Variants in CCDC152 observed in about 807,000 individuals in gnomAD.
The protein encoded by CCDC152 is coiled-coil domain-containing protein 152.
Under a neutral mutation model 38.1 loss-of-function variants are expected in CCDC152, and 37 were observed. That is an observed-to-expected ratio of 0.97 (90% confidence interval 0.75 to 1.28). The LOEUF (loss-of-function observed/expected upper bound fraction) is 1.28, where lower values mean the gene tolerates loss of function less well. Ranked by LOEUF, CCDC152 falls within the 50% of genes most tolerant of loss-of-function variation. The pLI, the probability that CCDC152 is intolerant of heterozygous loss-of-function variation, is 0.00. For synonymous variants in CCDC152, 83 were observed against 87.1 expected (o/e 0.95, Z 0.26); for missense variants, 259 against 292.1 (o/e 0.89, Z 0.83).
Position 42,783,461 on chromosome 5 carries a change from T to A in CCDC152, c.328-13T>A, listed in dbSNP as rs1244298973. On this transcript the variant is annotated splice_polypyrimidine_tract_variant and intron_variant, in intron 5 of 8. Coordinates refer to ENST00000361970, the MANE Select transcript of CCDC152 (RefSeq NM_001134848.2). ...TTTAAATTTTAAAAATTAATATATA[T>A]TTTAATCTTTAGGAATATAAGAATA... 1.3e-5 allele frequency: 14 copies of A among 1,112,060 alleles called. No homozygotes were observed. Among genetic ancestry groups the A allele is most frequent in the Non-Finnish European group, 1.6e-5 (14 of 866,586 alleles). 68.9% of individuals were successfully genotyped at this position (1,112,060 alleles called of 1,614,324 possible). A position where few individuals can be genotyped will look rare whatever the true frequency, so the allele number is the denominator to read the frequency against.
intron 5 of CCDC152, among the ~76,000 whole-genome samples, chr5:42,781,326 T>G (rs1759841528): frequency 6.6e-6 from 1 of 151,966 alleles, no homozygotes; most frequent in South Asian, 2.1e-4. Context: ...AACCGAGAAG[T>G]TGAATAGCTT....
chr5:42,795,405 T>C (rs1441909758), intron 6 of CCDC152, among the ~76,000 whole-genome samples: 2 of 152,178 alleles, frequency 1.3e-5, no homozygotes, highest in African/African-American at 4.8e-5. Context: ...AACTAGTAGG[T>C]GACAGACAAA....
rs1561276226 is a variant in CCDC152 at position 42,779,503 on chromosome 5, AG to A, written c.309del (p.Lys103AsnfsTer2). ...ATAAGTGCTGATCTTATAAAAGAGA[AG>A]TTAAAGTCTCATGAACAGGTGAGTT... ...LKISADLIKE[K>X]LKSHEQEYKN... On this transcript the variant is annotated frameshift_variant, in exon 5 of 9. Transcript: ENST00000361970. LOFTEE classifies it high-confidence loss of function. The A allele has an allele frequency of 6.6e-7, 1 of 1,516,434 alleles. No homozygotes were observed. Among genetic ancestry groups the A allele is most frequent in the East Asian group, 2.5e-5 (1 of 40,652 alleles). The allele number at this position is 1,516,434 out of a possible 1,614,324, so 93.9% of individuals were successfully genotyped here.
intron 2 of CCDC152, 87 bp from the exon 3 acceptor site, chr5:42,762,356 G>C: frequency 1.5e-6 from 1 of 682,672 alleles, no homozygotes; most frequent in Non-Finnish European, 2.5e-6. Flanking sequence ...TAAGTGGTTT[G>C]TATTTTCATT....
At chr5:42,788,973 G>A (rs1005562386) in intron 6 of CCDC152, among the ~76,000 whole-genome samples, 9 of 152,266 alleles carry the variant, frequency 5.9e-5, no homozygotes, top group East Asian at 1.9e-4. Flanking sequence ...AGTGGCCCAC[G>A]ACAGGTACAC....
intron 4 of CCDC152, among the ~76,000 whole-genome samples, chr5:42,770,674 A>G (rs1579709307): frequency 6.6e-6 from 1 of 152,282 alleles, no homozygotes; most frequent in East Asian, 1.9e-4. Context: ...TTCTGTAAAG[A>G]ATGTCATTGG....
Position 42,796,842 on chromosome 5 carries a change from A to G in CCDC152, c.444A>G (p.Glu148=). Residue 148 remains glutamate (E), a synonymous_variant, in exon 7 of 9, where the codon GAA becomes GAG. Transcript: ENST00000361970. ...CATTTTATTCAGTTGAATTAAATGA[A>G]GAAAAGCACAAAGAACTAATAGAGA... ...QDMQRKVELN[E]EKHKELIEKK... is the part of the protein sequence containing the mutation. 2.0e-6 allele frequency: 3 copies of G among 1,468,216 alleles called. No homozygotes were observed. Among genetic ancestry groups the G allele is most frequent in the Non-Finnish European group, 2.7e-6 (3 of 1,109,542 alleles). The allele number at this position is 1,468,216 out of a possible 1,614,324, so 90.9% of individuals were successfully genotyped here.
At chr5:42,788,072 A>T (rs2111581069) in intron 6 of CCDC152, among the ~76,000 whole-genome samples, 1 of 152,242 alleles carries the variant, frequency 6.6e-6, no homozygotes, top group Non-Finnish European at 1.5e-5. Context: ...GATAGCAAGT[A>T]TTGTCCTTTT....
intron 7 of CCDC152, among the ~76,000 whole-genome samples, chr5:42,798,282 T>TC (rs912753062): frequency 9.2e-5 from 14 of 152,122 alleles, no homozygotes; most frequent in African/African-American, 3.1e-4. Context: ...TTCCGTTGCT[T>TC]CCCCCCACCC....
intron 7 of CCDC152, 97 bp from the exon 8 acceptor site, chr5:42,799,276 TAC>T (rs1459725116): frequency 1.6e-6 from 1 of 616,316 alleles, no homozygotes; most frequent in Non-Finnish European, 2.8e-6. Flanking sequence ...ACACCTGAAT[TAC>T]AGATTACATG....
chr5:42,784,562 T>C (rs2111572905), intron 6 of CCDC152, among the ~76,000 whole-genome samples: 1 of 152,254 alleles, frequency 6.6e-6, no homozygotes, highest in Non-Finnish European at 1.5e-5. Flanking sequence ...GTAGGTTGTC[T>C]GTTTATGCTG....
intron 3 of CCDC152, among the ~76,000 whole-genome samples, chr5:42,767,113 A>G (rs909601309): frequency 1.3e-5 from 2 of 152,082 alleles, no homozygotes. Flanking sequence ...TTTCTGCTGG[A>G]TAGTACTTAG....
rs77724957 is a variant in CCDC152, at chr5:42,775,493, G to A, written c.263-3965G>A. ...ATCCTGCAAAATTATTGTCCAGAAA[G>A]TAGAAATAAAGACTTTCTTAGACAA... On this transcript the variant is annotated intron_variant, in intron 4 of 8. Transcript: ENST00000361970. Among the ~76,000 whole-genome samples the A allele has an allele frequency of 6.9e-3, 1,053 of 152,168 alleles. 50 individuals are homozygous for A. The East Asian group carries it at 0.13, about 18-fold the overall frequency.
At chr5:42,789,310 T>A (rs1759967345) in intron 6 of CCDC152, among the ~76,000 whole-genome samples, 1 of 152,202 alleles carries the variant, frequency 6.6e-6, no homozygotes, top group Non-Finnish European at 1.5e-5. Context: ...CTGGCTCTCT[T>A]CCCTCAGTTT....
intron 3 of CCDC152, among the ~76,000 whole-genome samples, chr5:42,768,738 T>G (rs959721099): frequency 2.0e-5 from 3 of 152,214 alleles, no homozygotes; most frequent in African/African-American, 7.2e-5. Flanking sequence ...CACATTGTCT[T>G]ATACCAAAAC....
chr5:42,794,909 T>TTTATCAAGCTAATGA (rs1190482558), intron 6 of CCDC152, among the ~76,000 whole-genome samples: 1 of 151,998 alleles, frequency 6.6e-6, no homozygotes, highest in Non-Finnish European at 1.5e-5. Flanking sequence ...TAAAAGAATA[T>TTTATCAAGCTAATGA]TTATCAAGCT....
At chr5:42,796,101 AG>A (rs1304917615) in intron 6 of CCDC152, among the ~76,000 whole-genome samples, 2 of 150,706 alleles carry the variant, frequency 1.3e-5, no homozygotes, top group Non-Finnish European at 3.0e-5. Context: ...GGGGTGGGGG[AG>A]ATGGGGGAGG....
At chr5:42,797,879 G>A (rs1760095973) in intron 7 of CCDC152, among the ~76,000 whole-genome samples, 2 of 152,012 alleles carry the variant, frequency 1.3e-5, no homozygotes, top group African/African-American at 4.8e-5. Context: ...CGGGTGTGGT[G>A]GCTCACACCT....
In CCDC152 at chr5:42,787,168, G is replaced by A. The variant is rs191034564; in HGVS notation, c.430+3592G>A. Among the ~76,000 whole-genome samples the A allele has an allele frequency of 3.5e-3, 532 of 152,058 alleles. 5 individuals are homozygous for A. Among genetic ancestry groups the A allele is most frequent in the South Asian group, 0.01 (49 of 4,826 alleles). On this transcript the variant is annotated intron_variant, in intron 6 of 8. Coordinates refer to ENST00000361970, the MANE Select transcript of CCDC152 (RefSeq NM_001134848.2). The stretch of plus-strand genomic sequence containing the variant: ...TGTAGATGTCTATTAGGTTCATTTG[G>A]TCAAAAGTCCAATTAAAGTCCAGAG...
Sources: allele counts gnomAD v4.1 joint callset (sites outside exome capture counted in the v4.1 genomes callset), GRCh38; gene constraint gnomAD v4.1.1; transcripts MANE v1.5; gene names NCBI Gene and HGNC (gene_info 2026-07-23, HGNC 2026-07-21).